The following CCDC158 variants were observed in gnomAD, a reference collection of about 807,000 sequenced individuals.
CCDC158 encodes coiled-coil domain-containing protein 158.
Under a neutral mutation model 138.6 loss-of-function variants are expected in CCDC158, and 116 were observed. The ratio of observed to expected loss-of-function variants is 0.84; its 90% confidence interval spans 0.72 to 0.98. CCDC158 has a LOEUF of 0.98. Among genes scored for constraint, CCDC158 ranks in the 50% least tolerant of loss-of-function variants. The pLI, the probability that CCDC158 is intolerant of heterozygous loss-of-function variation, is 0.00. For missense variants in CCDC158, 1,265 were observed against 1,306.1 expected (o/e 0.97, Z 0.48); for synonymous variants, 436 against 442.4 (o/e 0.99, Z 0.18).
intron 9 of CCDC158, among the ~76,000 whole-genome samples, chr4:76,372,831 G>C (rs17001849): frequency 0.029 from 4,453 of 152,150 alleles, 214 homozygotes; most frequent in African/African-American, 0.1. Context: ...TAAAGTGCAT[G>C]ACTGTTAATA....
Position 76,351,105 on chromosome 4 carries a change from C to T in CCDC158, c.2555G>A (p.Gly852Glu). ...TLDIKELQGP[G>E]YTSNSSLKPR... ...TTTCAATGAAGAATTTGAGGTGTAT[C>T]CAGGGCCCTGAAGTTCCTGGAAAAC... Residue 852 changes from glycine (G) to glutamate (E), a missense_variant, in exon 18 of 25, where the codon GGA becomes GAA. Coordinates refer to ENST00000682701, the MANE Select transcript of CCDC158 (RefSeq NM_001394954.1). The T allele has an allele frequency of 6.2e-7, 1 of 1,613,154 alleles. No homozygotes were observed. The highest frequency in any genetic ancestry group is 8.5e-7 in the Non-Finnish European group (1 of 1,179,472).
At chr4:76,314,600 C>A (rs980415041) in intron 24 of CCDC158, among the ~76,000 whole-genome samples, 2 of 152,204 alleles carry the variant, frequency 1.3e-5, no homozygotes, top group Admixed American at 6.5e-5. Context: ...TCAACAAATA[C>A]CCCCATTGGG....
At chr4:76,326,157 T>G in intron 22 of CCDC158, 142 bp from the exon 23 acceptor site, 2 of 677,184 alleles carry the variant, frequency 3.0e-6, no homozygotes, top group Non-Finnish European at 4.9e-6. Context: ...ACCCAAGATT[T>G]GGGGTTGGAA....
At chr4:76,392,670 T>A (rs1325312040) in intron 4 of CCDC158, among the ~76,000 whole-genome samples, 2 of 151,922 alleles carry the variant, frequency 1.3e-5, no homozygotes, top group African/African-American at 4.8e-5. Context: ...AGAAAGGACA[T>A]CCAAATTGGA....
intron 13 of CCDC158, among the ~76,000 whole-genome samples, chr4:76,358,922 T>C (rs1016900521): frequency 1.3e-5 from 2 of 152,206 alleles, no homozygotes; most frequent in African/African-American, 4.8e-5. Context: ...ACTAATATGC[T>C]TTGGCTCTGT....
chr4:76,356,851 C>T (rs1031029688), intron 14 of CCDC158: 40 of 152,026 alleles, frequency 2.6e-4, no homozygotes, highest in African/African-American at 9.7e-4. Flanking sequence ...TGGAAGATAA[C>T]CTCTTTATCT....
chr4:76,342,406 T>C (rs1353326648), intron 18 of CCDC158, among the ~76,000 whole-genome samples: 5 of 152,276 alleles, frequency 3.3e-5, no homozygotes, highest in Non-Finnish European at 5.9e-5. Flanking sequence ...TCATTTCCCC[T>C]GTCTGTAAAA....
chr4:76,350,071 A>G (rs1037915418), intron 18 of CCDC158, among the ~76,000 whole-genome samples: 17 of 152,350 alleles, frequency 1.1e-4, no homozygotes, highest in African/African-American at 2.6e-4. Context: ...GAACATGTAC[A>G]TATTTTTAAA....
Position 76,409,344 on chromosome 4 carries a change from TA to T in CCDC158, c.-74+2745del, listed in dbSNP as rs35334265. ...TTGCTTCAATAAATCATAAAATTGT[TA>T]AAAAAAAAACTCTGCACTTGGTTGA... On this transcript the variant is annotated intron_variant, in intron 2 of 24. Transcript: ENST00000682701. Among the ~76,000 whole-genome samples the T allele has an allele frequency of 9.7e-3, 1,461 of 150,116 alleles. 19 individuals are homozygous for T. The highest frequency in any genetic ancestry group is 0.033 in the African/African-American group (1,368 of 40,924).
intron 24 of CCDC158, among the ~76,000 whole-genome samples, chr4:76,317,902 A>G (rs1275106105): frequency 6.6e-6 from 1 of 152,204 alleles, no homozygotes; most frequent in African/African-American, 2.4e-5. Context: ...TCTACTCTGG[A>G]ATCATCTTTG....
Position 76,382,666 on chromosome 4 carries a change from T to C in CCDC158, c.858A>G (p.Lys286=). Reference sequence around the variant, plus strand: ...TGGCTTGGCTTCGAGCACTGCTAGCTTTCTCAGTAAGTCCTGTTATTTCAA... The same window carrying C: ...TGGCTTGGCTTCGAGCACTGCTAGCCTTCTCAGTAAGTCCTGTTATTTCAA... ...HEVEITGLTE[K]ASSARSQANS... Residue 286 remains lysine (K), a synonymous_variant, in exon 8 of 25, where the codon AAA becomes AAG. Transcript: ENST00000682701. 1 of 1,613,750 alleles carries C rather than the reference T, an allele frequency of 6.2e-7. No homozygotes were observed. Among genetic ancestry groups the C allele is most frequent in the Non-Finnish European group, 8.5e-7 (1 of 1,179,786 alleles).
In CCDC158 at chr4:76,361,639, C is replaced by T. The variant is rs1014125765; in HGVS notation, c.2020+487G>A. ...ATGCGAGAAGGGACTAATACACATA[C>T]CAACCATAAACTGGAGTGTTTCACT... On this transcript the variant is annotated intron_variant, in intron 13 of 24. Transcript: ENST00000682701. Among the ~76,000 whole-genome samples, 11 of 152,270 alleles carry T rather than the reference C, an allele frequency of 7.2e-5. 1 individual carries two copies. The South Asian group carries it at 2.1e-3, about 29-fold the overall frequency.
intron 12 of CCDC158, 59 bp from the exon 13 acceptor site, chr4:76,362,374 A>G: frequency 1.6e-6 from 2 of 1,267,892 alleles, no homozygotes; most frequent in Non-Finnish European, 2.2e-6. Context: ...ATGTATAGTT[A>G]TAATTGATAG....
chr4:76,325,315 C>T (rs555980696), intron 23 of CCDC158, among the ~76,000 whole-genome samples: 3 of 152,272 alleles, frequency 2.0e-5, no homozygotes, highest in Admixed American at 6.5e-5. Context: ...TGGTCACTGT[C>T]ATACATGATG....
intron 18 of CCDC158, 35 bp downstream of exon 18, chr4:76,350,961 C>A: frequency 6.3e-7 from 1 of 1,596,380 alleles, no homozygotes; most frequent in South Asian, 1.1e-5. Flanking sequence ...ACGCATATGT[C>A]ATTTGCGTAA....
chr4:76,354,382 C>A (rs1723341548), intron 15 of CCDC158, among the ~76,000 whole-genome samples: 2 of 152,030 alleles, frequency 1.3e-5, no homozygotes, highest in Non-Finnish European at 2.9e-5. Flanking sequence ...TATTTAGCTG[C>A]AAATACTCTG....
chr4:76,323,403 T>A lies in CCDC158; in HGVS notation c.3176A>T (p.Gln1059Leu). The change falls in exon 24 of 25, where the codon CAG (glutamine) becomes CTG (leucine). Residue 1059 changes from glutamine to leucine, a missense_variant. Coordinates refer to ENST00000682701, the MANE Select transcript of CCDC158 (RefSeq NM_001394954.1). ...TCCTGTTGTTTCTATTGGCGGAGAC[T>A]GTGAATCTATTAGAAAATTGCTTAG... ...IHSSDSVKDS[Q>L]SPPIETTGKT... 6.2e-7 allele frequency: 1 copy of A among 1,607,594 alleles called. No homozygotes were observed. Among genetic ancestry groups the A allele is most frequent in the South Asian group, 1.1e-5 (1 of 89,344 alleles).
Position 76,405,566 on chromosome 4 carries a change from A to T in CCDC158, c.-73-2286T>A, listed in dbSNP as rs147431245. On this transcript the variant is annotated intron_variant, in intron 2 of 24. Transcript: ENST00000682701. ...GCAAGGGGACTGATGGTGAATATTT[A>T]AATACTCAATTATAGAGTTGAGAAA... Among the ~76,000 whole-genome samples the T allele has an allele frequency of 5.3e-4, 80 of 152,358 alleles. 1 individual carries two copies. Among genetic ancestry groups the T allele is most frequent in the African/African-American group, 1.8e-3 (76 of 41,582 alleles).
chr4:76,420,337 C>T (rs1207301031), intron 1 of CCDC158, among the ~76,000 whole-genome samples: 2 of 152,158 alleles, frequency 1.3e-5, no homozygotes, highest in Non-Finnish European at 2.9e-5. Context: ...AAAACCTGGG[C>T]AACAGCCGAC....
Sources: gnomAD v4.1 joint callset for allele counts (sites outside exome capture counted in the v4.1 genomes callset) on GRCh38, gnomAD v4.1.1 for gene constraint, MANE v1.5 for transcripts, NCBI Gene and HGNC (gene_info 2026-07-23, HGNC 2026-07-21) for gene names.